Variants in SHISA9 observed in about 807,000 individuals in gnomAD.
SHISA9 encodes protein shisa-9.
A neutral mutation model predicts 38.0 loss-of-function variants in SHISA9; 13 were observed. The ratio of observed to expected loss-of-function variants is 0.34; its 90% CI spans 0.22 to 0.54. The LOEUF (loss-of-function observed/expected upper bound fraction) is 0.54, where lower values mean the gene tolerates loss of function less well. SHISA9 is among the 20% of genes least tolerant of loss of function. SHISA9 has a pLI of 0.91. For synonymous variants in SHISA9, 275 were observed against 242.0 expected, an observed-to-expected ratio of 1.14 and a Z score of -1.27; for missense variants, 538 against 575.8, an observed-to-expected ratio of 0.93 and a Z score of 0.67.
chr16:13,284,280 C>T, the SHISA9 span, among the ~76,000 whole-genome samples: 11 of 152,056 alleles, frequency 7.2e-5, no homozygotes, highest in South Asian at 4.1e-4. Context: ...TGTTTTCCAC[C>T]GTCTGAAAAA....
At chr16:13,527,557 G>A in the SHISA9 span, among the ~76,000 whole-genome samples, 24 of 152,338 alleles carry the variant, frequency 1.6e-4, no homozygotes, top group African/African-American at 5.8e-4. Flanking sequence ...TCAGCAGTCA[G>A]TATTTTTCTT....
At chr16:13,367,655 G>GGA in the SHISA9 span, among the ~76,000 whole-genome samples, 1 of 149,526 alleles carries the variant, frequency 6.7e-6, no homozygotes, top group African/African-American at 2.5e-5. Flanking sequence ...GTAGGATGCG[G>GGA]GGGGGAATGA....
At chr16:12,930,042 C>A (rs2071443383) in intron 2 of SHISA9, among the ~76,000 whole-genome samples, 1 of 152,104 alleles carries the variant, frequency 6.6e-6, no homozygotes, top group African/African-American at 2.4e-5. Context: ...GTTTTATTTT[C>A]ATCATAGTTC....
intron 3 of SHISA9, 31 bp from the exon 4 acceptor site, chr16:13,213,222 C>T: frequency 1.3e-6 from 2 of 1,549,268 alleles, no homozygotes; most frequent in Non-Finnish European, 1.7e-6. Flanking sequence ...GCAAACAGAT[C>T]ATCAGCATTT....
At position 13,235,259 on chromosome 16, in the gene SHISA9, G is replaced by T. The variant is rs2051371144; in HGVS notation, c.1125G>T (p.Glu375Asp). Residue 375 changes from glutamate to aspartate, a missense_variant, in exon 5 of 5, where the codon GAG becomes GAT. This residue lies in a region of SHISA9 where 326 missense variants were observed against 305.9 expected (regional missense o/e 1.07). Transcript: ENST00000558583. ...TTNFKGWDPN[E>D]QSLRRQAYSN... is the part of the protein sequence containing the mutation. Reference sequence around the variant, plus strand: ...ACTTTAAGGGCTGGGACCCCAACGAGCAGTCCCTCCGGCGGCAGGCTTACA... The same window carrying T: ...ACTTTAAGGGCTGGGACCCCAACGATCAGTCCCTCCGGCGGCAGGCTTACA... 6.4e-7 allele frequency: 1 copy of T among 1,551,692 alleles called. No individual in the cohort carries two copies. Among genetic ancestry groups the T allele is most frequent in the Non-Finnish European group, 8.7e-7 (1 of 1,147,024 alleles).
chr16:12,905,664 T>C (rs1251648106), intron 1 of SHISA9, among the ~76,000 whole-genome samples: 1 of 151,640 alleles, frequency 6.6e-6, no homozygotes, highest in Non-Finnish European at 1.5e-5. Flanking sequence ...GGATCTCCGC[T>C]CACTGCAACC....
the SHISA9 span, among the ~76,000 whole-genome samples, chr16:13,530,295 C>A: frequency 6.6e-6 from 1 of 151,930 alleles, no homozygotes; most frequent in Non-Finnish European, 1.5e-5. Context: ...AGTGAGACTC[C>A]GTCTCAAAAA....
intron 2 of SHISA9, among the ~76,000 whole-genome samples, chr16:13,150,499 G>A (rs2045549365): frequency 1.3e-5 from 2 of 152,114 alleles, no homozygotes; most frequent in South Asian, 4.1e-4. Flanking sequence ...CTAAGAAAGA[G>A]GGCTCACAAC....
intron 2 of SHISA9, among the ~76,000 whole-genome samples, chr16:13,094,383 G>C (rs970849545): frequency 6.6e-6 from 1 of 152,024 alleles, no homozygotes; most frequent in Admixed American, 6.6e-5. Flanking sequence ...TGCTATTTTT[G>C]AGTTAAATGT....
the SHISA9 span, among the ~76,000 whole-genome samples, chr16:13,461,592 G>T: frequency 0.32 from 44,703 of 139,068 alleles, 7,467 homozygotes; most frequent in South Asian, 0.49. Context: ...AAAAAAAAAA[G>T]ATTTATAGAC....
At chr16:13,253,005 C>T in the SHISA9 span, among the ~76,000 whole-genome samples, 2 of 152,128 alleles carry the variant, frequency 1.3e-5, no homozygotes, top group African/African-American at 2.4e-5. Flanking sequence ...AAAATGAAGA[C>T]GATGAGGATG....
At chr16:13,436,572 G>A in the SHISA9 span, among the ~76,000 whole-genome samples, 271 of 152,288 alleles carry the variant, frequency 1.8e-3, 1 homozygote, top group African/African-American at 5.5e-3. Flanking sequence ...TGCCTATGAC[G>A]TAGCCATTCT....
chr16:13,160,642 T>C (rs544141275), intron 2 of SHISA9, among the ~76,000 whole-genome samples: 37 of 152,282 alleles, frequency 2.4e-4, no homozygotes, highest in Admixed American at 1.9e-3. Flanking sequence ...CAAAATCTGA[T>C]GAGAAAATTT....
intron 2 of SHISA9, among the ~76,000 whole-genome samples, chr16:12,948,976 C>G (rs1407044973): frequency 6.6e-6 from 1 of 152,094 alleles, no homozygotes; most frequent in Non-Finnish European, 1.5e-5. Flanking sequence ...CACCATGTGG[C>G]TGGATATACT....
At chr16:13,538,510 G>A in the SHISA9 span, among the ~76,000 whole-genome samples, 1 of 152,126 alleles carries the variant, frequency 6.6e-6, no homozygotes, top group Non-Finnish European at 1.5e-5. Flanking sequence ...TTGGAAAATG[G>A]ATTTTAAACT....
chr16:12,977,159 G>A (rs369166542), intron 2 of SHISA9, among the ~76,000 whole-genome samples: 405 of 152,262 alleles, frequency 2.7e-3, no homozygotes, highest in Non-Finnish European at 4.4e-3. Context: ...TCTTGGAGAC[G>A]GGCTGTGTTC....
At chr16:13,294,237 A>G in the SHISA9 span, among the ~76,000 whole-genome samples, 1,362 of 152,308 alleles carry the variant, frequency 8.9e-3, 27 homozygotes, top group African/African-American at 0.031. Flanking sequence ...GATAACATCT[A>G]TTATTATATA....
chr16:13,422,201 G>C, the SHISA9 span, among the ~76,000 whole-genome samples: 1 of 152,202 alleles, frequency 6.6e-6, no homozygotes, highest in East Asian at 1.9e-4. Context: ...CCAGCACAGA[G>C]GTTCAGTGAG....
chr16:13,354,039 A>T, the SHISA9 span, among the ~76,000 whole-genome samples: 117,797 of 144,824 alleles, frequency 0.81, 48,189 homozygotes, highest in East Asian at 0.96. Flanking sequence ...CTACCTAGAC[A>T]AAGAGGTATT....
Sources: allele counts gnomAD v4.1 joint callset (sites outside exome capture counted in the v4.1 genomes callset), GRCh38; gene constraint gnomAD v4.1.1; regional missense constraint gnomAD v4.1.1; transcripts MANE v1.5; gene names NCBI Gene and HGNC (gene_info 2026-07-23, HGNC 2026-07-21).